Variants in ABCC2 observed in about 807,000 individuals in gnomAD.
ABCC2 encodes the protein ATP binding cassette subfamily C member 2.
In ABCC2, 157 loss-of-function variants were observed where a neutral mutation model predicts 173.4. That is an observed-to-expected ratio of 0.91 (90% confidence interval 0.80 to 1.03). The LOEUF (loss-of-function observed/expected upper bound fraction) is 1.03. Among genes scored for constraint, ABCC2 ranks in the 50% least tolerant of loss-of-function variants. The pLI is 0.00. For missense variants in ABCC2, 1,822 were observed against 1,852.3 expected, an observed-to-expected ratio of 0.98 and a Z score of 0.30; for synonymous variants, 657 against 693.5, an observed-to-expected ratio of 0.95 and a Z score of 0.83.
In ABCC2 at chr10:99,830,398, A is replaced by G; in HGVS notation, c.2712A>G (p.Arg904=). Residue 904 remains arginine, a synonymous_variant, in exon 20 of 32, where the codon AGA becomes AGG. Transcript: ENST00000647814. ...IPEDAASITM[R]RENSFRRTLS... is the part of the protein sequence containing the mutation. ...AAGATGCAGCCTCCATAACCATGAG[A>G]AGAGAGAACAGCTTTCGTCGAACAC... is the stretch of plus-strand genomic sequence containing the variant. 1 of 1,614,194 alleles carries G rather than the reference A, an allele frequency of 6.2e-7. No individual in the cohort carries two copies. The highest frequency in any genetic ancestry group is 8.5e-7 in the Non-Finnish European group (1 of 1,180,018).
Position 99,814,231 on chromosome 10 carries a change from G to A in ABCC2, c.2094+1087G>A, listed in dbSNP as rs563489566. Among the ~76,000 whole-genome samples the A allele has an allele frequency of 5.8e-3, 157 of 27,142 alleles. 15 individuals are homozygous for A. Among genetic ancestry groups the A allele is most frequent in the African/African-American group, 0.018 (117 of 6,416 alleles). The allele number at this position is 27,142 out of a possible 152,430, so 17.8% of individuals were successfully genotyped here. A position where few individuals can be genotyped will look rare whatever the true frequency, so the allele number is the denominator to read the frequency against. Reference sequence around the variant, plus strand: ...CACACATGTGTATATATACACACATGTGTATATATGCACACACGTATGTAT... The same window carrying A: ...CACACATGTGTATATATACACACATATGTATATATGCACACACGTATGTAT... On this transcript the variant is annotated intron_variant, in intron 16 of 31. Coordinates refer to ENST00000647814, the MANE Select transcript of ABCC2 (RefSeq NM_000392.5).
At chr10:99,841,390 A>C (rs1217686098) in intron 25 of ABCC2, among the ~76,000 whole-genome samples, 1 of 152,050 alleles carries the variant, frequency 6.6e-6, no homozygotes, top group Non-Finnish European at 1.5e-5. Flanking sequence ...CTGGCTCTAC[A>C]AAAAATACAA....
chr10:99,788,054 T>C (rs2037748316), intron 2 of ABCC2, among the ~76,000 whole-genome samples: 1 of 136,304 alleles, frequency 7.3e-6, no homozygotes, highest in Non-Finnish European at 1.6e-5. Flanking sequence ...GCGACAGAGG[T>C]AGACCCTGTC....
At chr10:99,795,187 G>A (rs2037878531) in intron 6 of ABCC2, among the ~76,000 whole-genome samples, 2 of 152,154 alleles carry the variant, frequency 1.3e-5, no homozygotes, top group Admixed American at 6.5e-5. Context: ...CCCTTCTCAG[G>A]AAGTGTTTTA....
At chr10:99,825,996 G>A (rs551571868) in intron 19 of ABCC2, among the ~76,000 whole-genome samples, 119 of 152,322 alleles carry the variant, frequency 7.8e-4, no homozygotes, top group African/African-American at 2.5e-3. Flanking sequence ...GTCGTTTCCC[G>A]ACAATGGTTG....
chr10:99,803,420 T>C (rs1020714387), intron 9 of ABCC2, among the ~76,000 whole-genome samples: 9 of 152,180 alleles, frequency 5.9e-5, no homozygotes, highest in Non-Finnish European at 1.2e-4. Flanking sequence ...TCAAAATCAA[T>C]ACATGCTGGT....
In ABCC2 at chr10:99,850,662, G is replaced by T. The variant is rs1366002062; in HGVS notation, c.4374G>T (p.Leu1458=). ...CTCTGCTTCGGAAATCCAAGATCCT[G>T]GTCCTGGATGAGGCCACTGCTGCGG... is the stretch of plus-strand genomic sequence containing the variant. The part of the protein sequence containing the change: ...GRALLRKSKI[L]VLDEATAAVD... The change falls in exon 31 of 32, where the codon CTG becomes CTT. Residue 1458 remains leucine (L), a synonymous_variant. Transcript: ENST00000647814. 6.2e-7 allele frequency: 1 copy of T among 1,614,218 alleles called. No individual in the cohort carries two copies. The highest frequency in any genetic ancestry group is 1.3e-5 in the African/African-American group (1 of 75,052).
rs747652418 is a variant in ABCC2, at chr10:99,814,520, TACATATATATAC to T, written c.2094+1384_2094+1395del. Among the ~76,000 whole-genome samples the T allele has an allele frequency of 9.9e-5, 7 of 70,416 alleles. 1 individual carries two copies. Among genetic ancestry groups the T allele is most frequent in the Admixed American group, 8.2e-4 (6 of 7,288 alleles). 46.2% of individuals were successfully genotyped at this position (70,416 alleles called of 152,430 possible). A position where few individuals can be genotyped will look rare whatever the true frequency, so the allele number is the denominator to read the frequency against. ...ATATATGTGTGTGTATGTGTATATA[TACATATATATAC>T]ACATATACACACACATATGTGTATA... On this transcript the variant is annotated intron_variant, in intron 16 of 31. Transcript: ENST00000647814.
chr10:99,786,274 T>C (rs2037709363), intron 2 of ABCC2, among the ~76,000 whole-genome samples: 1 of 151,896 alleles, frequency 6.6e-6, no homozygotes, highest in Admixed American at 6.6e-5. Context: ...TGAGTCCCCA[T>C]CTCTTAAAAA....
rs747591710 is a variant in ABCC2, at chr10:99,818,896, C to A, written c.2378C>A (p.Ala793Asp). ...LLDDPLSAVDAHVGKHIFNKV... is the reference protein window; with the variant it reads ...LLDDPLSAVDDHVGKHIFNKV... ...GATGACCCCCTGTCTGCAGTGGATG[C>A]TCATGTAGGAAAACATATTTTTAAT... Residue 793 changes from alanine (A) to aspartate (D), a missense_variant, in exon 18 of 32, where the codon GCT (alanine) becomes GAT (aspartate). Transcript: ENST00000647814. 2 of 1,613,946 alleles carry A rather than the reference C, an allele frequency of 1.2e-6. No individual in the cohort carries two copies. The highest frequency in any genetic ancestry group is 1.7e-6 in the Non-Finnish European group (2 of 1,180,028).
chr10:99,816,246 G>T (rs564351672), intron 16 of ABCC2, among the ~76,000 whole-genome samples: 2 of 151,840 alleles, frequency 1.3e-5, no homozygotes, highest in East Asian at 1.9e-4. Flanking sequence ...AATTACAGGC[G>T]TGAGCCACCG....
chr10:99,814,143 ACACATGTATGTATACAC>A (rs2038275672), intron 16 of ABCC2, among the ~76,000 whole-genome samples: 1 of 45,040 alleles, frequency 2.2e-5, no homozygotes. Context: ...GTATATATAC[ACACATGTATGTATACAC>A]ACGTATATAT....
At chr10:99,851,460 T>C in intron 31 of ABCC2, 42 bp from the exon 32 acceptor site, 1 of 1,613,324 alleles carries the variant, frequency 6.2e-7, no homozygotes, top group African/African-American at 1.3e-5. Context: ...AGACTTGAGA[T>C]GCTGCTTTCT....
rs1292121625 is a variant in ABCC2 at position 99,814,275 on chromosome 10, A to G, written c.2094+1131A>G. Among the ~76,000 whole-genome samples, 7 of 75,300 alleles carry G rather than the reference A, an allele frequency of 9.3e-5. 2 individuals carry two copies. The highest frequency in any genetic ancestry group is 1.2e-4 in the African/African-American group (2 of 16,064). The allele number at this position is 75,300 out of a possible 152,430, so 49.4% of individuals were successfully genotyped here. A position where few individuals can be genotyped will look rare whatever the true frequency, so the allele number is the denominator to read the frequency against. Reference sequence around the variant, plus strand: ...TATGTATACACACGTATGTATACACACGTATGTATACACACACGTATGTAT... The same window carrying G: ...TATGTATACACACGTATGTATACACGCGTATGTATACACACACGTATGTAT... On this transcript the variant is annotated intron_variant, in intron 16 of 31. Transcript: ENST00000647814.
intron 7 of ABCC2, 37 bp downstream of exon 7, chr10:99,797,368 A>G (rs374600959): frequency 6.4e-7 from 1 of 1,565,778 alleles, no homozygotes; most frequent in Non-Finnish European, 8.7e-7. Flanking sequence ...AGCGCGCTGC[A>G]TGTTTCAGGC....
At chr10:99,829,583 A>C (rs943504826) in intron 19 of ABCC2, among the ~76,000 whole-genome samples, 1 of 152,008 alleles carries the variant, frequency 6.6e-6, no homozygotes, top group Non-Finnish European at 1.5e-5. Flanking sequence ...ATGTCTTTTA[A>C]GTGATTTAAA....
At chr10:99,814,019 A>G (rs2038263654) in intron 16 of ABCC2, among the ~76,000 whole-genome samples, 1 of 151,356 alleles carries the variant, frequency 6.6e-6, no homozygotes, top group Admixed American at 6.6e-5. Flanking sequence ...ATTTGCTTCC[A>G]AAATAAAAAT....
At chr10:99,830,566 G>A in intron 20 of ABCC2, 133 bp downstream of exon 20, 1 of 1,563,358 alleles carries the variant, frequency 6.4e-7, no homozygotes, top group South Asian at 1.1e-5. Flanking sequence ...TTTCTTTGTT[G>A]TGGGGATGGG....
chr10:99,842,093 T>C lies in ABCC2; in HGVS notation c.3741T>C (p.Asn1247=). The C allele has an allele frequency of 6.2e-7, 1 of 1,614,178 alleles. No individual in the cohort carries two copies. The highest frequency in any genetic ancestry group is 1.1e-5 in the South Asian group (1 of 91,090). ...GCTTTGTTCTGTCCAATGCACTCAA[T>C]GTGAGTTTGAAGGTTGGGAGTTTGG... ...TVGFVLSNAL[N]ITQTLNWLVR... Residue 1247 remains asparagine, a splice_region_variant and synonymous_variant, in exon 26 of 32, where the codon AAT becomes AAC. Coordinates refer to ENST00000647814, the MANE Select transcript of ABCC2 (RefSeq NM_000392.5).
Sources: allele counts gnomAD v4.1 joint callset (sites outside exome capture counted in the v4.1 genomes callset), GRCh38; gene constraint gnomAD v4.1.1; transcripts MANE v1.5; gene names NCBI Gene and HGNC (gene_info 2026-07-23, HGNC 2026-07-21).